The following KLHL32 variants were observed in gnomAD, a reference collection of about 807,000 sequenced individuals.
KLHL32 encodes kelch like family member 32, also known as kelch-like protein 32.
Under a neutral mutation model 64.8 loss-of-function variants are expected in KLHL32, and 35 were observed. The observed-to-expected ratio is 0.54, with a 90% CI of 0.41 to 0.72. The LOEUF (loss-of-function observed/expected upper bound fraction) is 0.72, where lower values mean the gene tolerates loss of function less well. KLHL32 is among the 30% of genes least tolerant of loss of function. The probability of loss-of-function intolerance (pLI) is 0.00; values close to 1 mark genes in which losing one functional copy is unlikely to be tolerated. For synonymous variants in KLHL32, 259 were observed against 281.0 expected (o/e 0.92, Z 0.78); for missense variants, 589 against 768.5 (o/e 0.77, Z 2.76).
intron 6 of KLHL32, among the ~76,000 whole-genome samples, chr6:97,101,301 G>A (rs573914901): frequency 6.6e-6 from 1 of 152,088 alleles, no homozygotes; most frequent in Admixed American, 6.5e-5. Flanking sequence ...TCTACAAAAG[G>A]CTTAAACTTC....
intron 1 of KLHL32, among the ~76,000 whole-genome samples, chr6:96,966,417 A>T (rs1231610155): frequency 6.6e-6 from 1 of 152,226 alleles, no homozygotes; most frequent in East Asian, 1.9e-4. Context: ...GCATCCTGTT[A>T]TATATTTCAA....
At chr6:97,069,910 T>C (rs951590239) in intron 5 of KLHL32, among the ~76,000 whole-genome samples, 1 of 152,014 alleles carries the variant, frequency 6.6e-6, no homozygotes, top group Non-Finnish European at 1.5e-5. Context: ...CAATGACTTA[T>C]AGGAGGTTAT....
At chr6:97,007,140 ATT>A (rs1336618563) in intron 3 of KLHL32, among the ~76,000 whole-genome samples, 1 of 151,808 alleles carries the variant, frequency 6.6e-6, no homozygotes, top group Non-Finnish European at 1.5e-5. Context: ...TGAATTGTAG[ATT>A]TGGTCTCTTT....
chr6:97,089,080 C>A (rs1003005388), intron 6 of KLHL32, among the ~76,000 whole-genome samples: 1 of 152,196 alleles, frequency 6.6e-6, no homozygotes, highest in Admixed American at 6.5e-5. Context: ...ACTAAATACC[C>A]AAAATTATGC....
At chr6:97,138,640 T>G (rs1167934654) in intron 10 of KLHL32, among the ~76,000 whole-genome samples, 1 of 152,168 alleles carries the variant, frequency 6.6e-6, no homozygotes, top group Non-Finnish European at 1.5e-5. Context: ...CAGAATCGAC[T>G]GAATTTTGAA....
intron 5 of KLHL32, among the ~76,000 whole-genome samples, chr6:97,077,834 T>C (rs542423289): frequency 3.3e-5 from 5 of 152,346 alleles, no homozygotes; most frequent in African/African-American, 1.2e-4. Context: ...TTGCAATCTA[T>C]GAGAAAGACA....
chr6:97,077,281 C>G (rs1209030917), intron 5 of KLHL32, among the ~76,000 whole-genome samples: 1 of 152,164 alleles, frequency 6.6e-6, no homozygotes, highest in African/African-American at 2.4e-5. Context: ...TCTACTGAAG[C>G]AAACGATGTC....
chr6:96,946,351 G>A (rs1370925370), intron 1 of KLHL32, among the ~76,000 whole-genome samples: 1 of 151,854 alleles, frequency 6.6e-6, no homozygotes, highest in African/African-American at 2.4e-5. Flanking sequence ...TTATCTCGTG[G>A]CACACCATAT....
At chr6:97,136,754 T>G (rs948890809) in intron 10 of KLHL32, among the ~76,000 whole-genome samples, 1 of 152,214 alleles carries the variant, frequency 6.6e-6, no homozygotes, top group African/African-American at 2.4e-5. Context: ...GGGGAGTGTT[T>G]TGGAGAAAAA....
At chr6:97,069,657 C>T (rs968768938) in intron 5 of KLHL32, among the ~76,000 whole-genome samples, 5 of 152,026 alleles carry the variant, frequency 3.3e-5, no homozygotes, top group South Asian at 4.1e-4. Context: ...CCCTTCACAT[C>T]GTGGGAGTTC....
In KLHL32 at chr6:97,085,109, T is replaced by A. The variant is rs747283456; in HGVS notation, c.412-17T>A. ...TTTCTAAGAGATCTTTTTTCATTTT[T>A]ATTTTTTGGCACCCAGGAATTAAAT... On this transcript the variant is annotated splice_polypyrimidine_tract_variant and intron_variant, in intron 5 of 10. Transcript: ENST00000369261. The A allele has an allele frequency of 1.2e-6, 2 of 1,603,180 alleles. No individual in the cohort carries two copies. The highest frequency in any genetic ancestry group is 1.7e-6 in the Non-Finnish European group (2 of 1,172,674).
intron 5 of KLHL32, among the ~76,000 whole-genome samples, chr6:97,072,061 C>T (rs1313830193): frequency 4.6e-5 from 7 of 152,180 alleles, no homozygotes; most frequent in African/African-American, 1.4e-4. Flanking sequence ...GCTGCCTAGT[C>T]TACACTTCGG....
At chr6:96,974,198 T>C (rs1023716378) in intron 2 of KLHL32, among the ~76,000 whole-genome samples, 8 of 152,194 alleles carry the variant, frequency 5.3e-5, no homozygotes, top group Non-Finnish European at 7.3e-5. Flanking sequence ...TCATTGTAAA[T>C]CACTGAGAAT....
At chr6:96,996,101 G>A (rs573981446) in intron 3 of KLHL32, among the ~76,000 whole-genome samples, 6 of 152,294 alleles carry the variant, frequency 3.9e-5, no homozygotes, top group Admixed American at 3.3e-4. Flanking sequence ...AGGGCCCAGC[G>A]TGGGCAGCCC....
intron 1 of KLHL32, among the ~76,000 whole-genome samples, chr6:96,958,742 C>CTTCCCTCTGTGGGTGG (rs60866808): frequency 0.099 from 14,995 of 152,152 alleles, 782 homozygotes; most frequent in Middle Eastern, 0.16. Flanking sequence ...AATGTTTCCC[C>CTTCCCTCTGTGGGTGG]ACCCATTGGA....
chr6:97,092,112 C>T (rs1794345523), intron 6 of KLHL32, among the ~76,000 whole-genome samples: 1 of 152,044 alleles, frequency 6.6e-6, no homozygotes, highest in Admixed American at 6.6e-5. Context: ...GCCTCCGCCT[C>T]CCAAGTAGCT....
intron 1 of KLHL32, among the ~76,000 whole-genome samples, chr6:96,957,232 A>C (rs1034616913): frequency 6.6e-6 from 1 of 152,228 alleles, no homozygotes; most frequent in African/African-American, 2.4e-5. Flanking sequence ...TCTCTATTTG[A>C]AAATGGAGTC....
chr6:97,083,154 G>T (rs886792917), intron 5 of KLHL32, among the ~76,000 whole-genome samples: 3 of 152,136 alleles, frequency 2.0e-5, no homozygotes, highest in African/African-American at 7.2e-5. Flanking sequence ...CACTTTGGGA[G>T]GCCAAGGTGG....
At chr6:97,123,422 C>T (rs553579143) in intron 7 of KLHL32, among the ~76,000 whole-genome samples, 2 of 152,266 alleles carry the variant, frequency 1.3e-5, no homozygotes, top group East Asian at 3.9e-4. Context: ...AAGCATTTCT[C>T]ACTGTTGGTA....
Sources: gnomAD v4.1 joint callset for allele counts (sites outside exome capture counted in the v4.1 genomes callset) on GRCh38, gnomAD v4.1.1 for gene constraint, MANE v1.5 for transcripts, NCBI Gene and HGNC (gene_info 2026-07-23, HGNC 2026-07-21) for gene names.